Variants in DPF3 observed in about 807,000 individuals in gnomAD.
DPF3 encodes zinc finger protein DPF3.
A neutral mutation model predicts 56.8 loss-of-function variants in DPF3; 18 were observed. The ratio of observed to expected loss-of-function variants is 0.32; its 90% CI spans 0.22 to 0.47. The LOEUF (loss-of-function observed/expected upper bound fraction) is 0.47, where lower values mean the gene tolerates loss of function less well. Among genes scored for constraint, DPF3 ranks in the 20% least tolerant of loss-of-function variants. The pLI is 1.00. For missense variants in DPF3, 403 were observed against 488.8 expected (o/e 0.82, Z 1.65); for synonymous variants, 188 against 180.2 (o/e 1.04, Z -0.35).
intron 3 of DPF3, among the ~76,000 whole-genome samples, chr14:72,752,349 A>G (rs953033040): frequency 5.3e-5 from 8 of 152,210 alleles, no homozygotes; most frequent in African/African-American, 1.9e-4. Flanking sequence ...AAGACAGCCA[A>G]ATAGTCAGAA....
intron 7 of DPF3, among the ~76,000 whole-genome samples, chr14:72,684,696 T>C (rs1316875798): frequency 6.6e-6 from 1 of 152,132 alleles, no homozygotes; most frequent in Non-Finnish European, 1.5e-5. Flanking sequence ...GGGTGGGGTC[T>C]CTAAAACATC....
intron 4 of DPF3, among the ~76,000 whole-genome samples, chr14:72,726,466 T>C (rs369200343): frequency 2.2e-4 from 34 of 152,308 alleles, no homozygotes; most frequent in African/African-American, 7.9e-4. Context: ...CCATCCTCCC[T>C]CTGCCCATCA....
At position 72,692,960 on chromosome 14, in the gene DPF3, G is replaced by A. The variant is rs1404752009; in HGVS notation, c.742+116C>T. On this transcript the variant is annotated intron_variant, in intron 7 of 10. Coordinates refer to ENST00000556509, the MANE Select transcript of DPF3 (RefSeq NM_001280542.3). Reference sequence around the variant, plus strand: ...GGGCCAACACACTACAGCACATTGAGACCACTCAACGGTTGCTACCAGAAG... The same window carrying A: ...GGGCCAACACACTACAGCACATTGAAACCACTCAACGGTTGCTACCAGAAG... The A allele has an allele frequency of 2.6e-6, 4 of 1,529,294 alleles. No homozygotes were observed. The East Asian group carries it at 9.0e-5, about 34-fold the overall frequency. 94.7% of individuals were successfully genotyped at this position (1,529,294 alleles called of 1,614,324 possible). A position where few individuals can be genotyped will look rare whatever the true frequency, so the allele number is the denominator to read the frequency against.
At chr14:72,831,269 T>C (rs1363618915) in intron 1 of DPF3, among the ~76,000 whole-genome samples, 1 of 151,330 alleles carries the variant, frequency 6.6e-6, no homozygotes, top group African/African-American at 2.4e-5. Flanking sequence ...CAGGTCAGAG[T>C]TCCTGCCATT....
chr14:72,843,315 A>T (rs1226801608), intron 1 of DPF3, among the ~76,000 whole-genome samples: 2 of 152,194 alleles, frequency 1.3e-5, no homozygotes, highest in African/African-American at 4.8e-5. Context: ...GGTTTGCTTC[A>T]AAAGCATCGG....
intron 1 of DPF3, chr14:72,880,015 TG>T (rs1886267510): frequency 3.2e-5 from 44 of 1,393,224 alleles, no homozygotes; most frequent in Non-Finnish European, 4.1e-5. Flanking sequence ...CACTAGACTG[TG>T]GTATAGAATC....
At chr14:72,670,180 A>C in intron 8 of DPF3, 2 of 985,966 alleles carry the variant, frequency 2.0e-6, no homozygotes, top group Non-Finnish European at 2.4e-6. Context: ...GGGCAAGGGG[A>C]GGGGAAACAC....
chr14:72,702,266 A>G (rs75738701), intron 6 of DPF3, among the ~76,000 whole-genome samples: 1,552 of 152,170 alleles, frequency 0.01, 8 homozygotes, highest in Middle Eastern at 0.024. Context: ...CAGCAGGAGA[A>G]CGGAGGGTGG....
intron 2 of DPF3, among the ~76,000 whole-genome samples, chr14:72,758,112 G>T (rs1890914428): frequency 6.6e-6 from 1 of 152,028 alleles, no homozygotes; most frequent in South Asian, 2.1e-4. Context: ...TTGGAACAAT[G>T]CAAATATTTT....
chr14:72,751,593 T>C (rs1011123798), intron 3 of DPF3, among the ~76,000 whole-genome samples: 1 of 152,178 alleles, frequency 6.6e-6, no homozygotes, highest in African/African-American at 2.4e-5. Flanking sequence ...GCTTGAAATG[T>C]GGCTAGTCCA....
chr14:72,770,386 T>C (rs1349114101), intron 2 of DPF3, among the ~76,000 whole-genome samples: 1 of 152,206 alleles, frequency 6.6e-6, no homozygotes, highest in Non-Finnish European at 1.5e-5. Context: ...ATTAACCAGT[T>C]GCAATGTAGG....
chr14:72,640,242 T>G (rs1327508791), intron 8 of DPF3, among the ~76,000 whole-genome samples: 2 of 152,100 alleles, frequency 1.3e-5, no homozygotes, highest in Non-Finnish European at 2.9e-5. Flanking sequence ...TATGTAGGCA[T>G]GAGGATCTGA....
chr14:72,659,937 A>G (rs1886157399), intron 8 of DPF3, among the ~76,000 whole-genome samples: 1 of 152,174 alleles, frequency 6.6e-6, no homozygotes, highest in Non-Finnish European at 1.5e-5. Flanking sequence ...ACTAAATGAA[A>G]TAAGTCCGTG....
Position 72,616,288 on chromosome 14 carries a change from C to T in DPF3, c.*3009G>A, listed in dbSNP as rs1884086297. 6.6e-6 allele frequency among the ~76,000 whole-genome samples: 1 copy of T among 152,188 alleles called. No individual in the cohort carries two copies. Among genetic ancestry groups the T allele is most frequent in the Non-Finnish European group, 1.5e-5 (1 of 68,026 alleles). ...GAACTGAAACAAATCATAGCCCTCTCTAAAAGTCACCTTTCCATTCTCAAC... is the reference window on the plus strand; with the variant it reads ...GAACTGAAACAAATCATAGCCCTCTTTAAAAGTCACCTTTCCATTCTCAAC... On this transcript the variant is annotated 3_prime_UTR_variant, in exon 11 of 11. Transcript: ENST00000556509.
chr14:72,685,399 T>C (rs777876161), intron 7 of DPF3, among the ~76,000 whole-genome samples: 10 of 152,238 alleles, frequency 6.6e-5, no homozygotes, highest in Admixed American at 2.0e-4. Flanking sequence ...AATAATAACA[T>C]GTCCCTAATG....
intron 7 of DPF3, among the ~76,000 whole-genome samples, chr14:72,679,455 C>CA (rs1394580894): frequency 6.6e-6 from 1 of 152,204 alleles, no homozygotes; most frequent in African/African-American, 2.4e-5. Context: ...CACCACCCAG[C>CA]CCCAGCCCCA....
intron 1 of DPF3, among the ~76,000 whole-genome samples, chr14:72,772,868 G>T (rs1891591808): frequency 6.6e-6 from 1 of 152,140 alleles, no homozygotes; most frequent in Admixed American, 6.5e-5. Flanking sequence ...GTAAATTCAA[G>T]CCTCTTACTG....
At chr14:72,723,933 C>A (rs977153240) in intron 4 of DPF3, 2 of 504,064 alleles carry the variant, frequency 4.0e-6, no homozygotes, top group Admixed American at 4.3e-5. Flanking sequence ...GCCCTTGGGC[C>A]CCTTCCAGAC....
At position 72,837,155 on chromosome 14, in the gene DPF3, A is replaced by G. The variant is rs967847773; in HGVS notation, c.32+56902T>C. Among the ~76,000 whole-genome samples, 12 of 152,110 alleles carry G rather than the reference A, an allele frequency of 7.9e-5. No individual in the cohort carries two copies. In the East Asian group the frequency reaches 2.3e-3, roughly 30 times the overall value. ...CAAAGTGCTGGGATTACAGGCATGA[A>G]CCACCACACCTGGCCAGAATCACTT... On this transcript the variant is annotated intron_variant, in intron 1 of 10. Transcript: ENST00000556509.
Sources: allele counts gnomAD v4.1 joint callset (sites outside exome capture counted in the v4.1 genomes callset), GRCh38; gene constraint gnomAD v4.1.1; transcripts MANE v1.5; gene names NCBI Gene and HGNC (gene_info 2026-07-23, HGNC 2026-07-21).